Variants in KATNA1 observed in about 807,000 individuals in gnomAD.
KATNA1 encodes the protein katanin catalytic subunit A1.
In KATNA1, 42 loss-of-function variants were observed where a neutral mutation model predicts 62.6. The observed-to-expected ratio is 0.67, with a 90% CI of 0.52 to 0.87. The LOEUF is 0.87. KATNA1 is among the 40% of genes least tolerant of loss of function. The probability of loss-of-function intolerance (pLI) is 0.00; values close to 1 mark genes in which losing one functional copy is unlikely to be tolerated. For synonymous variants in KATNA1, 186 were observed against 201.9 expected (o/e 0.92, Z 0.67); for missense variants, 498 against 612.5 (o/e 0.81, Z 1.97).
chr6:149,647,390 A>G (rs1780528351), intron 1 of KATNA1, among the ~76,000 whole-genome samples: 1 of 151,750 alleles, frequency 6.6e-6, no homozygotes, highest in Non-Finnish European at 1.5e-5. Flanking sequence ...CGCGTAGTGG[A>G]GCGCGCCTGT....
intron 10 of KATNA1, among the ~76,000 whole-genome samples, chr6:149,596,427 C>A (rs376446032): frequency 6.6e-6 from 1 of 152,084 alleles, no homozygotes; most frequent in Non-Finnish European, 1.5e-5. Context: ...CCCAGCTACT[C>A]GGGAGGCTGA....
intron 2 of KATNA1, among the ~76,000 whole-genome samples, chr6:149,637,066 T>G (rs1432893694): frequency 1.3e-5 from 2 of 152,190 alleles, no homozygotes; most frequent in Non-Finnish European, 2.9e-5. Flanking sequence ...CCTCAGTAAC[T>G]GAAGTTTCTC....
At chr6:149,631,954 C>T (rs542448112) in intron 3 of KATNA1, among the ~76,000 whole-genome samples, 191 of 152,248 alleles carry the variant, frequency 1.3e-3, no homozygotes, top group Non-Finnish European at 2.3e-3. Flanking sequence ...TTTTACTGTT[C>T]TCTATGAATT....
At chr6:149,601,164 C>A (rs550171103) in intron 7 of KATNA1, among the ~76,000 whole-genome samples, 14 of 152,192 alleles carry the variant, frequency 9.2e-5, no homozygotes, top group Admixed American at 2.6e-4. Context: ...AGAACCTAAT[C>A]CAAAGATTAG....
Position 149,603,310 on chromosome 6 carries a change from C to T in KATNA1, c.687G>A (p.Met229Ile). Residue 229 changes from methionine to isoleucine, a missense_variant, in exon 6 of 11, where the codon ATG becomes ATA. Transcript: ENST00000367411. ...TGCCCTTAAAGAATTCGGGCATCCA[C>T]ATTGGTAACACTACGGCTTCCTTAA... ...KLLKEAVVLP[M>I]WMPEFFKGIR... The T allele has an allele frequency of 6.3e-7, 1 of 1,599,380 alleles. No individual in the cohort carries two copies. The highest frequency in any genetic ancestry group is 8.5e-7 in the Non-Finnish European group (1 of 1,170,080).
At chr6:149,627,808 T>G (rs1271215903) in intron 3 of KATNA1, among the ~76,000 whole-genome samples, 2 of 151,842 alleles carry the variant, frequency 1.3e-5, no homozygotes, top group Middle Eastern at 3.2e-3. Context: ...AACAGGTCAT[T>G]CAGCACTGGA....
intron 10 of KATNA1, among the ~76,000 whole-genome samples, chr6:149,595,962 A>T (rs1210708620): frequency 6.6e-6 from 1 of 152,212 alleles, no homozygotes; most frequent in African/African-American, 2.4e-5. Context: ...CACATTTAGG[A>T]TAAGTTCACT....
chr6:149,597,890 A>G (rs1457625619), intron 8 of KATNA1, among the ~76,000 whole-genome samples: 1 of 152,204 alleles, frequency 6.6e-6, no homozygotes, highest in East Asian at 1.9e-4. Context: ...ATACATAACA[A>G]TTTTAAATCT....
rs373230292 is a variant in KATNA1, at chr6:149,623,147, G to A, written c.457C>T (p.Arg153Cys). 1.7e-5 allele frequency: 28 copies of A among 1,608,656 alleles called. No individual in the cohort carries two copies. The highest frequency in any genetic ancestry group is 1.1e-4 in the African/African-American group (8 of 74,490). ...TTCTGTTCTTTCTTTTCACGACAACGAACAGCTTTCCCTCTGTCATTGTGA... is the reference window on the plus strand; with the variant it reads ...TTCTGTTCTTTCTTTTCACGACAACAAACAGCTTTCCCTCTGTCATTGTGA... ...NVHNDRGKAV[R>C]CREKKEQNKG... The change falls in exon 4 of 11, where the codon CGT becomes TGT. Residue 153 changes from arginine to cysteine, a missense_variant. By Grantham distance (180) the Arg-to-Cys change is radical. Transcript: ENST00000367411.
At chr6:149,635,823 G>A (rs1415306162) in intron 2 of KATNA1, among the ~76,000 whole-genome samples, 3 of 152,052 alleles carry the variant, frequency 2.0e-5, no homozygotes, top group African/African-American at 4.8e-5. Context: ...TTGGGAGGCC[G>A]AGGCAAGCAG....
Position 149,595,161 on chromosome 6 carries a change from C to G in KATNA1, c.1351G>C (p.Glu451Gln), listed in dbSNP as rs755355634. The change falls in exon 11 of 11, where the codon GAA becomes CAA. Residue 451 changes from glutamate to glutamine, a missense_variant. Transcript: ENST00000367411. ...TPEEIRNLSK[E>Q]EMHMPTTMED... ...ATAGTTGTAGGCATGTGCATTTCTT[C>G]TTTGGAAAGATTTCGGATTTCCTCT... 10 of 1,614,036 alleles carry G rather than the reference C, an allele frequency of 6.2e-6. No individual in the cohort carries two copies. The highest frequency in any genetic ancestry group is 8.5e-6 in the Non-Finnish European group (10 of 1,179,964).
chr6:149,608,132 T>C (rs78055549), intron 4 of KATNA1, among the ~76,000 whole-genome samples: 6,378 of 152,276 alleles, frequency 0.042, 218 homozygotes, highest in Admixed American at 0.089. Flanking sequence ...ACCCATTACC[T>C]CAATTAAAAG....
At chr6:149,598,489 G>T (rs1166276900) in intron 7 of KATNA1, 139 bp from the exon 8 acceptor site, 15 of 747,958 alleles carry the variant, frequency 2.0e-5, no homozygotes, top group Non-Finnish European at 3.0e-5. Context: ...CTGGGAGGGT[G>T]AGGCAGGAGG....
At chr6:149,640,777 G>A (rs998158982) in intron 1 of KATNA1, among the ~76,000 whole-genome samples, 12 of 152,064 alleles carry the variant, frequency 7.9e-5, no homozygotes, top group Non-Finnish European at 1.5e-4. Flanking sequence ...TCGATCTTGG[G>A]ACCTCGTGAT....
intron 4 of KATNA1, among the ~76,000 whole-genome samples, chr6:149,621,020 A>T (rs1019662487): frequency 3.3e-5 from 5 of 152,148 alleles, no homozygotes; most frequent in Admixed American, 3.3e-4. Context: ...AATTATTACA[A>T]GGGTCAAATG....
intron 4 of KATNA1, among the ~76,000 whole-genome samples, chr6:149,606,025 G>A (rs1000911042): frequency 6.6e-6 from 1 of 152,132 alleles, no homozygotes; most frequent in African/African-American, 2.4e-5. Flanking sequence ...CTCCCAAAGT[G>A]CTGGGATTAC....
At chr6:149,648,184 G>C (rs1582821154) in intron 1 of KATNA1, among the ~76,000 whole-genome samples, 1 of 152,134 alleles carries the variant, frequency 6.6e-6, no homozygotes, top group Non-Finnish European at 1.5e-5. Flanking sequence ...AAAAATCGAA[G>C]AACTAAAAAC....
intron 3 of KATNA1, among the ~76,000 whole-genome samples, chr6:149,627,039 G>A (rs989672421): frequency 6.6e-6 from 1 of 151,618 alleles, no homozygotes; most frequent in Non-Finnish European, 1.5e-5. Context: ...ACTTACATAC[G>A]TGTGTGTGTA....
In KATNA1 at chr6:149,603,531, A is replaced by C. The variant is rs73781279; in HGVS notation, c.624-158T>G. 3.6e-3 allele frequency among the ~76,000 whole-genome samples: 546 copies of C among 152,278 alleles called. 3 individuals are homozygous for C. The highest frequency in any genetic ancestry group is 0.013 in the African/African-American group (522 of 41,548). Reference sequence around the variant, plus strand: ...CTAATGCACTGTGATGAGGCCCACCATGTCAACCAGCAGATATATAAAGAG... The same window carrying C: ...CTAATGCACTGTGATGAGGCCCACCCTGTCAACCAGCAGATATATAAAGAG... On this transcript the variant is annotated intron_variant, in intron 5 of 10. Coordinates refer to ENST00000367411, the MANE Select transcript of KATNA1 (RefSeq NM_007044.4).
Sources: gnomAD v4.1 joint callset for allele counts (sites outside exome capture counted in the v4.1 genomes callset) on GRCh38, gnomAD v4.1.1 for gene constraint, MANE v1.5 for transcripts, NCBI Gene and HGNC (gene_info 2026-07-23, HGNC 2026-07-21) for gene names.